CD83: variants seen among roughly 807,000 people sequenced by gnomAD.
The protein encoded by CD83 is CD83 antigen.
CD83 carries 22 observed loss-of-function variants against 24.6 expected under a neutral mutation model. That is an observed-to-expected ratio of 0.90 (90% confidence interval 0.64 to 1.28). The LOEUF is 1.28. Among genes scored for constraint, CD83 ranks in the 50% most tolerant of loss-of-function variants. CD83 has a pLI of 0.00. For synonymous variants in CD83, 101 were observed against 103.5 expected (o/e 0.98, Z 0.14); for missense variants, 253 against 252.8 (o/e 1.00, Z -0.01).
chr6:14,119,446 T>A (rs1759620173), intron 2 of CD83, among the ~76,000 whole-genome samples: 1 of 152,248 alleles, frequency 6.6e-6, no homozygotes, highest in Non-Finnish European at 1.5e-5. Flanking sequence ...GGTAAATATT[T>A]ACATACATTA....
chr6:14,125,733 G>A (rs1036489803), intron 2 of CD83, among the ~76,000 whole-genome samples: 2 of 152,164 alleles, frequency 1.3e-5, no homozygotes, highest in African/African-American at 4.8e-5. Context: ...ACAATGAAGG[G>A]TCCAACATTG....
rs9230 is a variant in CD83, at chr6:14,136,783, T to G, written c.*1547T>G. The G allele has an allele frequency of 1.3e-5, 2 of 152,006 alleles. No homozygotes were observed. The highest frequency in any genetic ancestry group is 6.5e-5 in the Admixed American group (1 of 15,270). The allele number at this position is 152,006 out of a possible 1,614,324, so 9.4% of individuals were successfully genotyped here. A position where few individuals can be genotyped will look rare whatever the true frequency, so the allele number is the denominator to read the frequency against. Reference sequence around the variant, plus strand: ...CTGGGTGATTACATAATCTGTACAATGAACCCCCATGATGTAAGTTTACCT... The same window carrying G: ...CTGGGTGATTACATAATCTGTACAAGGAACCCCCATGATGTAAGTTTACCT... On this transcript the variant is annotated 3_prime_UTR_variant, in exon 5 of 5. Transcript: ENST00000379153.
intron 2 of CD83, among the ~76,000 whole-genome samples, chr6:14,127,808 G>A (rs1318359793): frequency 1.3e-5 from 2 of 152,190 alleles, no homozygotes; most frequent in Non-Finnish European, 2.9e-5. Context: ...AACCAAAAAT[G>A]ATAGAGTTGT....
chr6:14,127,491 T>G (rs1008764100), intron 2 of CD83, among the ~76,000 whole-genome samples: 2 of 152,136 alleles, frequency 1.3e-5, no homozygotes, highest in Non-Finnish European at 2.9e-5. Context: ...TGGTTCAGTT[T>G]CAGCCATAAT....
chr6:14,135,067 T>A, intron 4 of CD83, 41 bp from the exon 5 acceptor site: 1 of 1,607,862 alleles, frequency 6.2e-7, no homozygotes, highest in Non-Finnish European at 8.5e-7. Context: ...CTGCTGAATT[T>A]TTCCAATTAT....
intron 2 of CD83, among the ~76,000 whole-genome samples, chr6:14,130,802 G>A (rs4715877): frequency 0.21 from 31,419 of 152,234 alleles, 4,102 homozygotes; most frequent in Non-Finnish European, 0.3. Context: ...AAGTCCGGCT[G>A]GTCTGTCCTG....
At chr6:14,118,577 A>C (rs560754078) in intron 2 of CD83, among the ~76,000 whole-genome samples, 1 of 152,246 alleles carries the variant, frequency 6.6e-6, no homozygotes, top group Admixed American at 6.5e-5. Context: ...CATCCATGGT[A>C]GTTATCAGTG....
Position 14,131,800 on chromosome 6 carries a change from C to T in CD83, c.382+52C>T, listed in dbSNP as rs539211725. On this transcript the variant is annotated intron_variant, in intron 3 of 4. Coordinates refer to ENST00000379153, the MANE Select transcript of CD83 (RefSeq NM_004233.4). Reference sequence around the variant, plus strand: ...CTTCTTGAACAATGCATGTGTACTTCCTTTAGGTCCTAAAATCGTTCCTCT... The same window carrying T: ...CTTCTTGAACAATGCATGTGTACTTTCTTTAGGTCCTAAAATCGTTCCTCT... 4.0e-4 allele frequency: 486 copies of T among 1,212,128 alleles called. 2 individuals carry two copies. The South Asian group carries it at 5.6e-3, about 14-fold the overall frequency. The allele number at this position is 1,212,128 out of a possible 1,614,324, so 75.1% of individuals were successfully genotyped here. A position where few individuals can be genotyped will look rare whatever the true frequency, so the allele number is the denominator to read the frequency against.
chr6:14,123,597 G>T (rs1048410078), intron 2 of CD83, among the ~76,000 whole-genome samples: 2 of 152,046 alleles, frequency 1.3e-5, no homozygotes, highest in Admixed American at 6.5e-5. Context: ...AAGGAAGAAT[G>T]AGGCCGCCTC....
chr6:14,133,764 C>T lies in CD83; in HGVS notation c.489+9C>T. The stretch of plus-strand genomic sequence containing the variant: ...TCATCATTTTCACTTGTGTAAGTAT[C>T]TTCTTAAAACATCTTCTCTTATTAA... On this transcript the variant is annotated intron_variant, in intron 4 of 4. Transcript: ENST00000379153. The T allele has an allele frequency of 6.5e-7, 1 of 1,528,646 alleles. No individual in the cohort carries two copies. The highest frequency in any genetic ancestry group is 2.2e-5 in the East Asian group (1 of 44,480). 94.7% of individuals were successfully genotyped at this position (1,528,646 alleles called of 1,614,324 possible). A position where few individuals can be genotyped will look rare whatever the true frequency, so the allele number is the denominator to read the frequency against.
chr6:14,134,570 T>A (rs2113406899), intron 4 of CD83, among the ~76,000 whole-genome samples: 1 of 152,314 alleles, frequency 6.6e-6, no homozygotes, highest in East Asian at 1.9e-4. Context: ...ACTCACTGTG[T>A]CCCTCTATTC....
At position 14,132,997 on chromosome 6, in the gene CD83, C is replaced by T. The variant is rs375194922; in HGVS notation, c.383-652C>T. On this transcript the variant is annotated intron_variant, in intron 3 of 4. Transcript: ENST00000379153. The stretch of plus-strand genomic sequence containing the variant: ...TGGGCTAAAGGCCTCGCTGCTCTTA[C>T]CCTCCCTTCGTGCTGCACCAAACCC... Among the ~76,000 whole-genome samples, 3 of 152,382 alleles carry T rather than the reference C, an allele frequency of 2.0e-5. No individual in the cohort carries two copies. In the East Asian group the frequency reaches 5.8e-4, roughly 29 times the overall value.
Position 14,117,858 on chromosome 6 carries a change from G to T in CD83, c.37+10G>T, listed in dbSNP as rs979826291. On this transcript the variant is annotated intron_variant, in intron 1 of 4. Transcript: ENST00000379153. The surrounding 1 kb of genome is among the most constrained non-coding windows in gnomAD (Gnocchi z 4.6). Reference sequence around the variant, plus strand: ...CTGCTCCTGAGCTGCGGTAGGGCTCGCGAGCGCCTGTCTCGCCTGTCGCCC... The same window carrying T: ...CTGCTCCTGAGCTGCGGTAGGGCTCTCGAGCGCCTGTCTCGCCTGTCGCCC... The T allele has an allele frequency of 1.3e-6, 2 of 1,574,324 alleles. No individual in the cohort carries two copies. Among genetic ancestry groups the T allele is most frequent in the Admixed American group, 3.5e-5 (2 of 56,540 alleles).
intron 2 of CD83, among the ~76,000 whole-genome samples, chr6:14,130,680 C>T (rs1398085868): frequency 6.6e-6 from 1 of 152,092 alleles, no homozygotes; most frequent in Non-Finnish European, 1.5e-5. Context: ...GTGCAGTGAG[C>T]CATGATCAAG....
chr6:14,128,024 C>T (rs1022365991), intron 2 of CD83, among the ~76,000 whole-genome samples: 1 of 152,156 alleles, frequency 6.6e-6, no homozygotes, highest in Non-Finnish European at 1.5e-5. Flanking sequence ...ATTACTATTT[C>T]CTAAAATGGT....
intron 4 of CD83, among the ~76,000 whole-genome samples, chr6:14,134,122 G>A (rs1757988388): frequency 6.6e-6 from 1 of 152,266 alleles, no homozygotes; most frequent in Non-Finnish European, 1.5e-5. Flanking sequence ...TCCTGTGGGT[G>A]AGGGAGTGGG....
At chr6:14,134,431 G>A (rs1757995632) in intron 4 of CD83, among the ~76,000 whole-genome samples, 1 of 152,152 alleles carries the variant, frequency 6.6e-6, no homozygotes, top group African/African-American at 2.4e-5. Flanking sequence ...TGGGAGAGTA[G>A]GGCCACATGT....
chr6:14,121,021 C>T (rs1456450222), intron 2 of CD83, among the ~76,000 whole-genome samples: 1 of 152,218 alleles, frequency 6.6e-6, no homozygotes, highest in African/African-American at 2.4e-5. Context: ...CAGCTCTTCT[C>T]TTCTATGGAC....
chr6:14,128,621 G>A (rs1417098628), intron 2 of CD83, among the ~76,000 whole-genome samples: 1 of 152,158 alleles, frequency 6.6e-6, no homozygotes, highest in African/African-American at 2.4e-5. Context: ...AGGAAAAGGG[G>A]TGTTTGGAAG....
Sources: allele counts gnomAD v4.1 joint callset (sites outside exome capture counted in the v4.1 genomes callset), GRCh38; gene constraint gnomAD v4.1.1; non-coding constraint Gnocchi (gnomAD v3.1); transcripts MANE v1.5; gene names NCBI Gene and HGNC (gene_info 2026-07-23, HGNC 2026-07-21).